The following ANKHD1 variants were observed in gnomAD, a reference collection of about 807,000 sequenced individuals.
ANKHD1 encodes ankyrin repeat and KH domain-containing protein 1.
A neutral mutation model predicts 230.5 loss-of-function variants in ANKHD1; 31 were observed. The observed-to-expected ratio is 0.13, with a 90% CI of 0.10 to 0.18. ANKHD1 has a LOEUF of 0.18. Among genes scored for constraint, ANKHD1 ranks in the 10% least tolerant of loss-of-function variants. The probability of loss-of-function intolerance (pLI) is 1.00; values close to 1 mark genes in which losing one functional copy is unlikely to be tolerated. For missense variants in ANKHD1, 2,256 were observed against 3,071.3 expected (o/e 0.73, Z 6.27); for synonymous variants, 1,074 against 1,117.6 (o/e 0.96, Z 0.78).
At chr5:140,495,347 G>T (rs376960801) in intron 14 of ANKHD1, among the ~76,000 whole-genome samples, 19 of 150,528 alleles carry the variant, frequency 1.3e-4, no homozygotes, top group African/African-American at 4.4e-4. Flanking sequence ...CCGGGTTCAC[G>T]CCATTCTCCT....
In ANKHD1 at chr5:140,504,763, T is replaced by C. The variant is rs1040521728; in HGVS notation, c.3005-58T>C. 2.0e-5 allele frequency: 32 copies of C among 1,562,514 alleles called. 2 individuals are homozygous for C. In the South Asian group the frequency reaches 3.7e-4, roughly 18 times the overall value. ...AAATTTCTGTTTTTGTGTTTTTCTA[T>C]GTACAAATAACCTTACTCTTTTAAG... On this transcript the variant is annotated intron_variant, in intron 15 of 33. Coordinates refer to ENST00000360839, the MANE Select transcript of ANKHD1 (RefSeq NM_017747.3).
intron 1 of ANKHD1, among the ~76,000 whole-genome samples, chr5:140,408,743 C>T (rs1463727919): frequency 1.3e-5 from 2 of 151,544 alleles, no homozygotes; most frequent in Admixed American, 1.3e-4. Flanking sequence ...CTTTTTTGCC[C>T]AGGCTGGCTG....
chr5:140,516,167 C>G (rs1008405232), intron 24 of ANKHD1, among the ~76,000 whole-genome samples: 1 of 152,158 alleles, frequency 6.6e-6, no homozygotes, highest in Admixed American at 6.6e-5. Flanking sequence ...CTCAGGAGCC[C>G]ATGCGATCAA....
chr5:140,445,099 A>G (rs757815428), intron 5 of ANKHD1, among the ~76,000 whole-genome samples: 5 of 151,956 alleles, frequency 3.3e-5, no homozygotes, highest in Non-Finnish European at 7.4e-5. Context: ...GGTTCAAGCA[A>G]TCCTCCCACC....
chr5:140,493,012 G>A (rs1751876713), intron 14 of ANKHD1, among the ~76,000 whole-genome samples: 1 of 152,122 alleles, frequency 6.6e-6, no homozygotes, highest in Non-Finnish European at 1.5e-5. Context: ...AAAGTGAGAG[G>A]CAAAGGAATA....
At position 140,443,961 on chromosome 5, in the gene ANKHD1, C is replaced by T. The variant is rs536183401; in HGVS notation, c.914-1781C>T. 2.7e-3 allele frequency among the ~76,000 whole-genome samples: 416 copies of T among 151,958 alleles called. 1 individual carries two copies. Among genetic ancestry groups the T allele is most frequent in the Middle Eastern group, 0.014 (4 of 294 alleles). ...TCTGTGCTGAGGAACTTCTTGGAAG[C>T]GGGGATTCTAAAGTTCTTTGGAAGA... On this transcript the variant is annotated intron_variant, in intron 5 of 33. Transcript: ENST00000360839.
At chr5:140,528,163 C>CTGT in intron 28 of ANKHD1, 21 bp from the exon 29 acceptor site, 1 of 1,417,872 alleles carries the variant, frequency 7.1e-7, no homozygotes, top group Non-Finnish European at 9.2e-7. Context: ...GGTCTTGTTT[C>CTGT]TGTTTTTTTT....
Position 140,445,909 on chromosome 5 carries a change from G to A in ANKHD1, c.1081G>A (p.Gly361Ser), listed in dbSNP as rs1163320672. The change falls in exon 6 of 34, where the codon GGT (glycine) becomes AGT (serine). Residue 361 changes from glycine (G) to serine (S), a missense_variant. Coordinates refer to ENST00000360839, the MANE Select transcript of ANKHD1 (RefSeq NM_017747.3). ...VEVARVLLDH[G>S]AGINTHSNEF... ...AGTTGCAAGAGTTCTTTTAGATCAT[G>A]GTGCAGGCATCAACACTCATTCTAA... 4 of 1,612,826 alleles carry A rather than the reference G, an allele frequency of 2.5e-6. No homozygotes were observed. Among genetic ancestry groups the A allele is most frequent in the Non-Finnish European group, 2.5e-6 (3 of 1,179,194 alleles).
chr5:140,471,128 C>T (rs1776463083), intron 10 of ANKHD1, among the ~76,000 whole-genome samples: 1 of 152,060 alleles, frequency 6.6e-6, no homozygotes, highest in Non-Finnish European at 1.5e-5. Flanking sequence ...TGTCAGTAAT[C>T]AAAAAGTTTC....
chr5:140,515,557 G>C (rs1002742224), intron 24 of ANKHD1, among the ~76,000 whole-genome samples: 1 of 152,204 alleles, frequency 6.6e-6, no homozygotes, highest in Non-Finnish European at 1.5e-5. Context: ...GCTTTGAAGA[G>C]AGCAGTGGTT....
At chr5:140,517,703 C>T (rs1232418461) in intron 24 of ANKHD1, among the ~76,000 whole-genome samples, 4 of 143,526 alleles carry the variant, frequency 2.8e-5, no homozygotes, top group African/African-American at 1.0e-4. Context: ...GGGTACATAA[C>T]GAAATGAAGG....
chr5:140,428,578 T>G (rs1482865850), intron 1 of ANKHD1, among the ~76,000 whole-genome samples: 1 of 152,088 alleles, frequency 6.6e-6, no homozygotes, highest in Non-Finnish European at 1.5e-5. Context: ...TGAGCCCAGA[T>G]GGCAGCAGTA....
intron 14 of ANKHD1, among the ~76,000 whole-genome samples, chr5:140,490,027 CTT>C (rs1196234595): frequency 6.6e-6 from 1 of 152,118 alleles, no homozygotes; most frequent in African/African-American, 2.4e-5. Flanking sequence ...TAAATAAAGA[CTT>C]AACTTTTTTT....
chr5:140,461,016 C>T (rs913685433), intron 9 of ANKHD1, among the ~76,000 whole-genome samples: 3 of 152,114 alleles, frequency 2.0e-5, no homozygotes, highest in African/African-American at 7.2e-5. Flanking sequence ...GTACATTCTT[C>T]CCACATCCCT....
intron 4 of ANKHD1, 76 bp downstream of exon 4, chr5:140,440,342 A>G (rs1773758497): frequency 6.7e-7 from 1 of 1,492,724 alleles, no homozygotes; most frequent in African/African-American, 1.4e-5. Context: ...CACTTATAAG[A>G]TAGATTATAA....
intron 1 of ANKHD1, among the ~76,000 whole-genome samples, chr5:140,415,572 G>A (rs1451916357): frequency 3.3e-5 from 5 of 150,038 alleles, no homozygotes; most frequent in African/African-American, 1.2e-4. Context: ...CCAAGTAGCT[G>A]GGATTACAGG....
At chr5:140,456,689 T>TA (rs903077707) in intron 7 of ANKHD1, among the ~76,000 whole-genome samples, 1 of 152,182 alleles carries the variant, frequency 6.6e-6, no homozygotes, top group African/African-American at 2.4e-5. Flanking sequence ...ATCCCTTCCT[T>TA]ACACTTTATA....
intron 6 of ANKHD1, 25 bp downstream of exon 6, chr5:140,446,000 T>G (rs1774250716): frequency 2.0e-6 from 3 of 1,537,854 alleles, no homozygotes; most frequent in East Asian, 4.7e-5. Context: ...TATGAATATT[T>G]ATAATGTTTT....
chr5:140,527,095 C>T lies in ANKHD1; in HGVS notation c.5087+21C>T, dbSNP rs1414819918. ...CGAAGGTAAATAGAATTAGTTCCAT[C>T]TTTTTAGCTTTCATATATTTTCCCT... On this transcript the variant is annotated intron_variant, in intron 27 of 33. Coordinates refer to ENST00000360839, the MANE Select transcript of ANKHD1 (RefSeq NM_017747.3). The surrounding 1 kb of genome is among the most constrained non-coding windows in gnomAD (Gnocchi z 4.5). 3 of 1,595,984 alleles carry T rather than the reference C, an allele frequency of 1.9e-6. No individual in the cohort carries two copies. The highest frequency in any genetic ancestry group is 4.5e-5 in the East Asian group (2 of 44,258).
Sources: gnomAD v4.1 joint callset for allele counts (sites outside exome capture counted in the v4.1 genomes callset) on GRCh38, gnomAD v4.1.1 for gene constraint, Gnocchi (gnomAD v3.1) non-coding constraint, MANE v1.5 for transcripts, NCBI Gene and HGNC (gene_info 2026-07-23, HGNC 2026-07-21) for gene names.